The following TMEM131L variants were observed in gnomAD, a reference collection of about 807,000 sequenced individuals.
TMEM131L encodes transmembrane 131 like.
A neutral mutation model predicts 192.2 loss-of-function variants in TMEM131L; 54 were observed. The ratio of observed to expected loss-of-function variants is 0.28; its 90% CI spans 0.23 to 0.35. The LOEUF (loss-of-function observed/expected upper bound fraction) is 0.35. TMEM131L is among the 10% of genes least tolerant of loss of function. The probability of loss-of-function intolerance (pLI) is 1.00; values close to 1 mark genes in which losing one functional copy is unlikely to be tolerated. For synonymous variants in TMEM131L, 701 were observed against 704.9 expected (o/e 0.99, Z 0.09); for missense variants, 1,888 against 1,972.9 (o/e 0.96, Z 0.82).
In TMEM131L at chr4:153,527,335, C is replaced by T. The variant is rs140474512; in HGVS notation, c.240-22738C>T. ...TTGCCCAGGCTGTAGTGCAGTGGTA[C>T]GATCTCAGCTCACTGCAGCCTCCGC... On this transcript the variant is annotated intron_variant, in intron 3 of 34. Transcript: ENST00000409959. 3.4e-3 allele frequency among the ~76,000 whole-genome samples: 510 copies of T among 152,094 alleles called. 2 individuals are homozygous for T. Among genetic ancestry groups the T allele is most frequent in the African/African-American group, 0.011 (473 of 41,452 alleles).
At chr4:153,546,310 G>A (rs893621648) in intron 3 of TMEM131L, among the ~76,000 whole-genome samples, 1 of 151,468 alleles carries the variant, frequency 6.6e-6, no homozygotes, top group African/African-American at 2.4e-5. Context: ...CAAGATGCAT[G>A]TAATTATTTG....
chr4:153,527,591 G>A (rs1018792371), intron 3 of TMEM131L, among the ~76,000 whole-genome samples: 3 of 152,070 alleles, frequency 2.0e-5, no homozygotes, highest in East Asian at 1.9e-4. Context: ...GTTTCTTCTC[G>A]TCTTTTTTAT....
intron 3 of TMEM131L, among the ~76,000 whole-genome samples, chr4:153,491,721 T>G (rs1202310078): frequency 6.6e-6 from 1 of 152,096 alleles, no homozygotes; most frequent in Non-Finnish European, 1.5e-5. Context: ...TCTTTTCTGT[T>G]TTTGAGACAG....
At chr4:153,612,194 A>G in intron 25 of TMEM131L, 58 bp from the exon 26 acceptor site, 1 of 1,276,164 alleles carries the variant, frequency 7.8e-7, no homozygotes, top group Non-Finnish European at 1.1e-6. Context: ...AGGAAAGAAG[A>G]TGGGGAATGT....
chr4:153,612,717 T>C lies in TMEM131L; in HGVS notation c.3567+317T>C, dbSNP rs956644571. Among the ~76,000 whole-genome samples, 73 of 152,164 alleles carry C rather than the reference T, an allele frequency of 4.8e-4. 1 individual carries two copies. Among genetic ancestry groups the C allele is most frequent in the East Asian group, 5.8e-4 (3 of 5,198 alleles). On this transcript the variant is annotated intron_variant, in intron 26 of 34. Transcript: ENST00000409959. ...ATCTAGTTATTACTGAACATCTATA[T>C]TTTAGGGCATACTCTTGCTGAGTTG... is the stretch of plus-strand genomic sequence containing the variant.
At chr4:153,522,856 A>G (rs577004676) in intron 3 of TMEM131L, among the ~76,000 whole-genome samples, 4 of 152,096 alleles carry the variant, frequency 2.6e-5, no homozygotes, top group South Asian at 2.1e-4. Flanking sequence ...TCCTCCCACT[A>G]TCACTGCCCA....
intron 7 of TMEM131L, among the ~76,000 whole-genome samples, chr4:153,568,001 T>C (rs1729337200): frequency 6.6e-6 from 1 of 152,240 alleles, no homozygotes; most frequent in African/African-American, 2.4e-5. Context: ...ATAAAAATGA[T>C]AGGCTGTCAA....
At chr4:153,616,921 A>G (rs1733012688) in intron 26 of TMEM131L, among the ~76,000 whole-genome samples, 1 of 152,202 alleles carries the variant, frequency 6.6e-6, no homozygotes, top group African/African-American at 2.4e-5. Context: ...ACTTTCATAA[A>G]TAAGTCTGTG....
chr4:153,628,035 G>A lies in TMEM131L; in HGVS notation c.4207+348G>A, dbSNP rs142323665. Among the ~76,000 whole-genome samples, 543 of 152,340 alleles carry A rather than the reference G, an allele frequency of 3.6e-3. 3 individuals are homozygous for A. The highest frequency in any genetic ancestry group is 0.012 in the African/African-American group (487 of 41,574). On this transcript the variant is annotated intron_variant, in intron 31 of 34. Transcript: ENST00000409959. ...ACAGAAAAGTACAGAAGGTAGATGC[G>A]TGGCCCAAGGGAAGGAGGCTGATTG...
Position 153,487,229 on chromosome 4 carries a change from C to A in TMEM131L, c.239+13341C>A, listed in dbSNP as rs72969201. ...TTAAATAATGAGAGGTAGAAATAGT[C>A]TTGTAGGTAAAACAGTGGGTGGAAA... is the stretch of plus-strand genomic sequence containing the variant. On this transcript the variant is annotated intron_variant, in intron 3 of 34. Coordinates refer to ENST00000409959, the MANE Select transcript of TMEM131L (RefSeq NM_001131007.2). Among the ~76,000 whole-genome samples, 619 of 152,288 alleles carry A rather than the reference C, an allele frequency of 4.1e-3. 4 individuals are homozygous for A. The highest frequency in any genetic ancestry group is 0.014 in the African/African-American group (597 of 41,560).
chr4:153,485,514 G>A (rs1477700864), intron 3 of TMEM131L, among the ~76,000 whole-genome samples: 1 of 152,172 alleles, frequency 6.6e-6, no homozygotes, highest in Non-Finnish European at 1.5e-5. Flanking sequence ...ATAGTGTGTG[G>A]CCTGCCAAGT....
intron 3 of TMEM131L, among the ~76,000 whole-genome samples, chr4:153,491,567 A>G (rs1732782459): frequency 6.6e-6 from 1 of 152,154 alleles, no homozygotes; most frequent in Non-Finnish European, 1.5e-5. Flanking sequence ...CTATTTTGTC[A>G]AATTAGTCGT....
chr4:153,622,811 C>A, intron 28 of TMEM131L, 87 bp from the exon 29 acceptor site: 1 of 1,351,842 alleles, frequency 7.4e-7, no homozygotes, highest in Non-Finnish European at 1.1e-6. Flanking sequence ...CCTGGCCCTA[C>A]TCCTCCTGTC....
In TMEM131L at chr4:153,604,412, A is replaced by G. The variant is rs748909299; in HGVS notation, c.3400A>G (p.Ile1134Val). ...PQYHQPDLPE[I>V]SRKNNGNNQQ... The stretch of plus-strand genomic sequence containing the variant: ...GTACCACCAGCCAGACTTGCCAGAA[A>G]TTTCCAGGAAAAATAATGGTAATCT... The change falls in exon 25 of 35, where the codon ATT becomes GTT. Residue 1134 changes from isoleucine (I) to valine (V), a missense_variant. Physicochemically the swap from Ile to Val is conservative, Grantham distance 29. Coordinates refer to ENST00000409959, the MANE Select transcript of TMEM131L (RefSeq NM_001131007.2). The G allele has an allele frequency of 2.5e-6, 4 of 1,598,092 alleles. No individual in the cohort carries two copies. Among genetic ancestry groups the G allele is most frequent in the South Asian group, 2.3e-5 (2 of 88,394 alleles).
At chr4:153,554,141 A>G (rs1737831233) in intron 4 of TMEM131L, 1 of 152,192 alleles carries the variant, frequency 6.6e-6, no homozygotes, top group Admixed American at 6.5e-5. Flanking sequence ...GATGATTGAT[A>G]TTATTTACTT....
At chr4:153,550,297 G>C (rs1737508542) in intron 4 of TMEM131L, among the ~76,000 whole-genome samples, 156 bp downstream of exon 4, 1 of 152,054 alleles carries the variant, frequency 6.6e-6, no homozygotes, top group Non-Finnish European at 1.5e-5. Context: ...TTGTGAAAAG[G>C]AGAGTACAAG....
intron 3 of TMEM131L, among the ~76,000 whole-genome samples, chr4:153,542,061 A>G (rs931787545): frequency 4.1e-4 from 62 of 152,252 alleles, no homozygotes; most frequent in Non-Finnish European, 1.3e-4. Context: ...GAAATGTACC[A>G]ATGCAGTAAA....
chr4:153,475,233 C>A (rs778246417), intron 3 of TMEM131L, among the ~76,000 whole-genome samples: 2 of 152,096 alleles, frequency 1.3e-5, no homozygotes, highest in Non-Finnish European at 2.9e-5. Context: ...GTTTTCAGAT[C>A]GTTCCTTTTA....
At chr4:153,616,347 C>G (rs956477622) in intron 26 of TMEM131L, among the ~76,000 whole-genome samples, 2 of 152,180 alleles carry the variant, frequency 1.3e-5, no homozygotes, top group Non-Finnish European at 2.9e-5. Flanking sequence ...TTAATACTTT[C>G]CATTTCATTG....
Sources: gnomAD v4.1 joint callset for allele counts (sites outside exome capture counted in the v4.1 genomes callset) on GRCh38, gnomAD v4.1.1 for gene constraint, MANE v1.5 for transcripts, NCBI Gene and HGNC (gene_info 2026-07-23, HGNC 2026-07-21) for gene names.